The following CDH4 variants were observed in gnomAD, a reference collection of about 807,000 sequenced individuals.
The protein encoded by CDH4 is cadherin-4.
A neutral mutation model predicts 86.0 loss-of-function variants in CDH4; 33 were observed. The observed-to-expected ratio is 0.38, with a 90% CI of 0.29 to 0.51. CDH4 has a LOEUF of 0.51. Among genes scored for constraint, CDH4 ranks in the 20% least tolerant of loss-of-function variants. The pLI is 0.86. For missense variants in CDH4, 1,114 were observed against 1,307.4 expected, an observed-to-expected ratio of 0.85 and a Z score of 2.28; for synonymous variants, 555 against 549.4, an observed-to-expected ratio of 1.01 and a Z score of -0.14.
intron 2 of CDH4, among the ~76,000 whole-genome samples, chr20:61,444,811 C>A (rs1016898078): frequency 2.7e-5 from 4 of 145,740 alleles, no homozygotes; most frequent in African/African-American, 1.0e-4. Flanking sequence ...GTATGTGTAT[C>A]TTTGTGTGTC....
At chr20:61,692,501 A>G (rs1326791307) in intron 2 of CDH4, among the ~76,000 whole-genome samples, 2 of 152,352 alleles carry the variant, frequency 1.3e-5, no homozygotes, top group East Asian at 3.9e-4. Context: ...TTAAAAGAGA[A>G]AGGATGAGAA....
intron 2 of CDH4, among the ~76,000 whole-genome samples, chr20:61,581,813 A>G (rs919114376): frequency 6.6e-6 from 1 of 152,066 alleles, no homozygotes; most frequent in African/African-American, 2.4e-5. Flanking sequence ...GCCCCACACC[A>G]TGCTTGTCTG....
intron 2 of CDH4, among the ~76,000 whole-genome samples, chr20:61,328,004 G>C (rs2084545729): frequency 6.6e-6 from 1 of 152,148 alleles, no homozygotes; most frequent in African/African-American, 2.4e-5. Context: ...GAGATGGACT[G>C]TATGTTTGAT....
chr20:61,851,834 T>G (rs1396492743), intron 5 of CDH4, among the ~76,000 whole-genome samples: 3 of 152,048 alleles, frequency 2.0e-5, no homozygotes, highest in African/African-American at 7.2e-5. Flanking sequence ...CACTGATGGC[T>G]TCTTCTCTTC....
chr20:61,865,530 C>T (rs1305829750), intron 6 of CDH4, among the ~76,000 whole-genome samples: 4 of 146,400 alleles, frequency 2.7e-5, no homozygotes, highest in African/African-American at 1.0e-4. Context: ...AGTTCCTGGG[C>T]TAGTTAGTGT....
intron 4 of CDH4, among the ~76,000 whole-genome samples, chr20:61,801,897 T>A (rs1979850258): frequency 6.6e-6 from 1 of 152,246 alleles, no homozygotes; most frequent in Admixed American, 6.5e-5. Flanking sequence ...CTCCATCACG[T>A]CTGCAAACTC....
rs905467953 is a variant in CDH4 at position 61,252,676 on chromosome 20, C to T, written c.57+106C>T. ...ACACCCGGCGGGGCTCTCCCGGGCT[C>T]CCCCGCCGCGCTCCCCGCTGCATCC... On this transcript the variant is annotated intron_variant, in intron 1 of 15. Transcript: ENST00000614565. This position sits in a 1 kb window ranked among gnomAD's most constrained non-coding sequence, Gnocchi z 4.4. 6.8e-6 allele frequency: 4 copies of T among 585,412 alleles called. No individual in the cohort carries two copies. Among genetic ancestry groups the T allele is most frequent in the Non-Finnish European group, 9.6e-6 (4 of 418,062 alleles). The allele number at this position is 585,412 out of a possible 1,614,324, so 36.3% of individuals were successfully genotyped here.
intron 2 of CDH4, among the ~76,000 whole-genome samples, chr20:61,375,703 GTGA>G (rs1452971295): frequency 6.4e-5 from 3 of 46,696 alleles, no homozygotes; most frequent in Non-Finnish European, 8.6e-5. Flanking sequence ...CTTGGTGGTG[GTGA>G]TGGTGTAGTT....
intron 2 of CDH4, among the ~76,000 whole-genome samples, chr20:61,735,813 C>T (rs1040785837): frequency 4.6e-5 from 7 of 152,216 alleles, no homozygotes; most frequent in Non-Finnish European, 8.8e-5. Flanking sequence ...CCCCAGCAGA[C>T]GTGTCTGAGA....
At position 61,864,257 on chromosome 20, in the gene CDH4, C is replaced by T. The variant is rs35237894; in HGVS notation, c.878-9471C>T. Among the ~76,000 whole-genome samples the T allele has an allele frequency of 3.6e-3, 545 of 152,334 alleles. 6 individuals are homozygous for T. Among genetic ancestry groups the T allele is most frequent in the Middle Eastern group, 0.017 (5 of 294 alleles). On this transcript the variant is annotated intron_variant, in intron 6 of 15. Coordinates refer to ENST00000614565, the MANE Select transcript of CDH4 (RefSeq NM_001794.5). ...TGAGCCCTGTGTGCTGGTGCTGCCT[C>T]CTGGCCTCTGGAGCTGACGGGGCCA...
At chr20:61,835,141 C>T (rs1043816046) in intron 4 of CDH4, among the ~76,000 whole-genome samples, 2 of 152,234 alleles carry the variant, frequency 1.3e-5, no homozygotes, top group Non-Finnish European at 2.9e-5. Context: ...GTCTTGAACT[C>T]CTGGCCTCAA....
At chr20:61,673,367 A>G (rs2087411232) in intron 2 of CDH4, among the ~76,000 whole-genome samples, 1 of 152,170 alleles carries the variant, frequency 6.6e-6, no homozygotes, top group African/African-American at 2.4e-5. Context: ...CTTCCGGGGC[A>G]ATCTTTTTGT....
intron 2 of CDH4, among the ~76,000 whole-genome samples, chr20:61,641,607 G>T (rs1360891222): frequency 2.6e-5 from 4 of 152,104 alleles, no homozygotes; most frequent in Non-Finnish European, 5.9e-5. Context: ...ACAGCTTTGG[G>T]ATCAGATGGG....
chr20:61,897,047 G>T (rs963392466), intron 8 of CDH4, among the ~76,000 whole-genome samples: 1 of 152,116 alleles, frequency 6.6e-6, no homozygotes, highest in Non-Finnish European at 1.5e-5. Context: ...TCTGAAAAAC[G>T]GCCAGCCCAG....
intron 14 of CDH4, among the ~76,000 whole-genome samples, chr20:61,933,732 G>T: frequency 6.6e-6 from 1 of 150,494 alleles, no homozygotes; most frequent in South Asian, 2.1e-4. Flanking sequence ...GCCTTGCGGA[G>T]GCCCAGCTCC....
intron 7 of CDH4, among the ~76,000 whole-genome samples, chr20:61,884,661 T>G (rs1403722546): frequency 1.3e-5 from 2 of 151,990 alleles, no homozygotes; most frequent in Non-Finnish European, 2.9e-5. Context: ...GGACCTGCAT[T>G]TGAAGGCTGA....
chr20:61,770,844 C>G (rs984198307), intron 3 of CDH4, among the ~76,000 whole-genome samples: 3 of 149,234 alleles, frequency 2.0e-5, no homozygotes, highest in African/African-American at 7.4e-5. Flanking sequence ...GATCACACCA[C>G]TGCACTCCAG....
intron 2 of CDH4, among the ~76,000 whole-genome samples, chr20:61,279,996 C>G (rs1025311147): frequency 6.6e-6 from 1 of 152,128 alleles, no homozygotes; most frequent in Non-Finnish European, 1.5e-5. Context: ...CCAGTGTTAG[C>G]TGACTCCATC....
chr20:61,639,309 G>T (rs1445812306), intron 2 of CDH4, among the ~76,000 whole-genome samples: 3 of 152,156 alleles, frequency 2.0e-5, no homozygotes, highest in Non-Finnish European at 2.9e-5. Flanking sequence ...CTCTGCATTG[G>T]TCCTCCTTTG....
Sources: gnomAD v4.1 joint callset for allele counts (sites outside exome capture counted in the v4.1 genomes callset) on GRCh38, gnomAD v4.1.1 for gene constraint, Gnocchi (gnomAD v3.1) non-coding constraint, MANE v1.5 for transcripts, NCBI Gene and HGNC (gene_info 2026-07-23, HGNC 2026-07-21) for gene names.